ZNF462: variants seen among roughly 807,000 people sequenced by gnomAD.
ZNF462 encodes zinc finger PBX1-interacting protein.
In ZNF462, 10 loss-of-function variants were observed where a neutral mutation model predicts 201.9. That is an observed-to-expected ratio of 0.05 (90% CI 0.03 to 0.08). The LOEUF is 0.08. Ranked by LOEUF, ZNF462 falls within the 10% of genes least tolerant of loss-of-function variation. The pLI, the probability that ZNF462 is intolerant of heterozygous loss-of-function variation, is 1.00. For synonymous variants in ZNF462, 1,227 were observed against 1,193.3 expected, an observed-to-expected ratio of 1.03 and a Z score of -0.58; for missense variants, 2,523 against 3,168.3, an observed-to-expected ratio of 0.80 and a Z score of 4.89.
rs375320642 is a variant in ZNF462, at chr9:106,972,308, C to T, written c.6695+36C>T. Reference sequence around the variant, plus strand: ...TAATGAACAGCTATGGAAAACAAGGCGGCCGCCCCTGCTCCACCCCTCACT... The same window carrying T: ...TAATGAACAGCTATGGAAAACAAGGTGGCCGCCCCTGCTCCACCCCTCACT... On this transcript the variant is annotated intron_variant, in intron 8 of 12. Coordinates refer to ENST00000277225, the MANE Select transcript of ZNF462 (RefSeq NM_021224.6). The surrounding 1 kb of genome is among the most constrained non-coding windows in gnomAD (Gnocchi z 4.8). The T allele has an allele frequency of 1.6e-4, 249 of 1,591,890 alleles. 1 individual carries two copies. In the African/African-American group the frequency reaches 3.0e-3, roughly 19 times the overall value.
rs577655863 is a variant in ZNF462, at chr9:106,943,057, C to CGTGTGTGTGTGTGTGTGT, written c.6427+3951_6427+3952insTGTGTGTGTGTGTGTGTG. On this transcript the variant is annotated intron_variant, in intron 7 of 12. Transcript: ENST00000277225. Reference sequence around the variant, plus strand: ...TGGTAACATAGTTTTGTTTTGCGCGCGCGTGTGTGTGTGTGTGTGTGTGTG... The same window carrying CGTGTGTGTGTGTGTGTGT: ...TGGTAACATAGTTTTGTTTTGCGCGCGTGTGTGTGTGTGTGTGTGCGTGTGTGTGTGTGTGTGTGTGTG... Among the ~76,000 whole-genome samples, 25 of 136,898 alleles carry CGTGTGTGTGTGTGTGTGT rather than the reference C, an allele frequency of 1.8e-4. 1 individual carries two copies. The East Asian group carries it at 1.9e-3, about 10-fold the overall frequency. 89.8% of individuals were successfully genotyped at this position (136,898 alleles called of 152,430 possible).
At chr9:106,976,634 T>C (rs968701042) in intron 9 of ZNF462, 14 of 152,188 alleles carry the variant, frequency 9.2e-5, no homozygotes, top group Non-Finnish European at 1.8e-4. Context: ...AGAGTCCTTA[T>C]CAAGGTCAGA....
In ZNF462 at chr9:106,880,154, G is replaced by A. The variant is rs968445706; in HGVS notation, c.-31+16799G>A. Among the ~76,000 whole-genome samples the A allele has an allele frequency of 6.6e-6, 1 of 151,940 alleles. No individual in the cohort carries two copies. The highest frequency in any genetic ancestry group is 1.5e-5 in the Non-Finnish European group (1 of 67,982). On this transcript the variant is annotated intron_variant, in intron 1 of 12. Coordinates refer to ENST00000277225, the MANE Select transcript of ZNF462 (RefSeq NM_021224.6). The surrounding 1 kb of genome is among the most constrained non-coding windows in gnomAD (Gnocchi z 4.1). ...AGAGCCCTCTCAATTTCTGCCGCCCGCTCAGGAGGATTTTCACAGCCTCTC... is the reference window on the plus strand; with the variant it reads ...AGAGCCCTCTCAATTTCTGCCGCCCACTCAGGAGGATTTTCACAGCCTCTC...
chr9:106,889,185 T>C (rs1828461525), intron 1 of ZNF462, among the ~76,000 whole-genome samples: 1 of 152,178 alleles, frequency 6.6e-6, no homozygotes, highest in African/African-American at 2.4e-5. Context: ...ATGGGGCACC[T>C]AGGTGGAAGT....
chr9:106,877,188 G>C (rs1025457726), intron 1 of ZNF462, among the ~76,000 whole-genome samples: 1 of 151,794 alleles, frequency 6.6e-6, no homozygotes, highest in Non-Finnish European at 1.5e-5. Context: ...GGTGGTGGTG[G>C]TGTGGTGGTG....
Position 106,895,761 on chromosome 9 carries a change from A to C in ZNF462, c.-30-27593A>C, listed in dbSNP as rs2131109596. On this transcript the variant is annotated intron_variant, in intron 1 of 12. Transcript: ENST00000277225. The surrounding 1 kb of genome is among the most constrained non-coding windows in gnomAD (Gnocchi z 4.4). ...GACCTGTGCTGATTGCTAGCTTTCA[A>C]GAACATTCATGGAAACAAAAACTTG... 6.6e-6 allele frequency among the ~76,000 whole-genome samples: 1 copy of C among 152,306 alleles called. No homozygotes were observed. The highest frequency in any genetic ancestry group is 2.1e-4 in the South Asian group (1 of 4,820).
chr9:106,910,631 AG>A (rs1290774675), intron 1 of ZNF462, among the ~76,000 whole-genome samples: 1 of 151,928 alleles, frequency 6.6e-6, no homozygotes, highest in Non-Finnish European at 1.5e-5. Context: ...CTAAGTTTTA[AG>A]TCTTGCTTTT....
chr9:106,888,352 T>C (rs1373732369), intron 1 of ZNF462, among the ~76,000 whole-genome samples: 1 of 152,210 alleles, frequency 6.6e-6, no homozygotes, highest in African/African-American at 2.4e-5. Context: ...AATGTGGATT[T>C]AGATCTACCA....
Position 106,927,980 on chromosome 9 carries a change from C to A in ZNF462, c.4068C>A (p.Ser1356=), listed in dbSNP as rs1344824392. ...ATKLWAGPDP[S]PPSLTMPAEA... The stretch of plus-strand genomic sequence containing the variant: ...AACTGTGGGCTGGGCCAGACCCATC[C>A]CCTCCCTCTCTCACAATGCCAGCCG... Residue 1356 remains serine (S), a synonymous_variant, in exon 3 of 13, where the codon TCC becomes TCA. Coordinates refer to ENST00000277225, the MANE Select transcript of ZNF462 (RefSeq NM_021224.6). 1.2e-6 allele frequency: 2 copies of A among 1,614,098 alleles called. No individual in the cohort carries two copies. The highest frequency in any genetic ancestry group is 4.5e-5 in the East Asian group (2 of 44,872).
At chr9:106,874,560 A>G (rs1827744246) in intron 1 of ZNF462, among the ~76,000 whole-genome samples, 1 of 152,216 alleles carries the variant, frequency 6.6e-6, no homozygotes, top group Non-Finnish European at 1.5e-5. Flanking sequence ...GGCCTGGCAA[A>G]GGAATCATTC....
rs1010526217 is a variant in ZNF462, at chr9:107,010,077, T to G, written c.7313+409T>G. ...GCCCTGAACATTCCCATGTACTGCC[T>G]CGGGGACAGAGCCAGCTTCTGCCTG... On this transcript the variant is annotated intron_variant, in intron 12 of 12. Coordinates refer to ENST00000277225, the MANE Select transcript of ZNF462 (RefSeq NM_021224.6). The surrounding 1 kb of genome is among the most constrained non-coding windows in gnomAD (Gnocchi z 4.6). Among the ~76,000 whole-genome samples, 12 of 152,126 alleles carry G rather than the reference T, an allele frequency of 7.9e-5. No homozygotes were observed. Among genetic ancestry groups the G allele is most frequent in the African/African-American group, 2.9e-4 (12 of 41,434 alleles).
intron 1 of ZNF462, among the ~76,000 whole-genome samples, chr9:106,896,002 A>G (rs1460942562): frequency 2.0e-5 from 3 of 152,154 alleles, no homozygotes; most frequent in Non-Finnish European, 4.4e-5. Flanking sequence ...GCCTTAAATC[A>G]TGTCCTTTTC....
At chr9:106,960,245 C>A (rs769716278) in intron 7 of ZNF462, among the ~76,000 whole-genome samples, 8 of 152,060 alleles carry the variant, frequency 5.3e-5, no homozygotes, top group Non-Finnish European at 7.4e-5. Flanking sequence ...ATTATCGAAT[C>A]TTTTAAGAAA....
rs370014483 is a variant in ZNF462 at position 106,935,629 on chromosome 9, G to T, written c.6235+8G>T. ...TACTCAAAGCTCATGCTGGTGAGTT[G>T]TGCATTGATGATGCACAAGTTCTTT... On this transcript the variant is annotated splice_region_variant and intron_variant, in intron 6 of 12. Coordinates refer to ENST00000277225, the MANE Select transcript of ZNF462 (RefSeq NM_021224.6). This position sits in a 1 kb window ranked among gnomAD's most constrained non-coding sequence, Gnocchi z 4.1. 1.1e-5 allele frequency: 18 copies of T among 1,608,528 alleles called. No individual in the cohort carries two copies. In the African/African-American group the frequency reaches 2.1e-4, roughly 19 times the overall value.
At position 106,926,255 on chromosome 9, in the gene ZNF462, C is replaced by T. The variant is rs36048454; in HGVS notation, c.2343C>T (p.Tyr781=). ...ACTTCAGAAACATCACCCACGATTA[C>T]AATGCCACCAATGGGGCTGAGATTG... ...EPNFRNITHD[Y]NATNGAEIEL... The change falls in exon 3 of 13, where the codon TAC becomes TAT. Residue 781 remains tyrosine, a synonymous_variant. Transcript: ENST00000277225. The surrounding 1 kb of genome is among the most constrained non-coding windows in gnomAD (Gnocchi z 7.9). 1.9e-6 allele frequency: 3 copies of T among 1,614,058 alleles called. No homozygotes were observed. Among genetic ancestry groups the T allele is most frequent in the African/African-American group, 2.7e-5 (2 of 74,914 alleles).
intron 10 of ZNF462, among the ~76,000 whole-genome samples, chr9:106,997,298 A>G (rs80064267): frequency 0.046 from 6,942 of 152,248 alleles, 326 homozygotes; most frequent in East Asian, 0.16. Flanking sequence ...TAGAACTACC[A>G]TATGATACAG....
At chr9:106,871,795 G>A (rs1827603351) in intron 1 of ZNF462, among the ~76,000 whole-genome samples, 1 of 152,184 alleles carries the variant, frequency 6.6e-6, no homozygotes, top group South Asian at 2.1e-4. Flanking sequence ...AGAGAATAGA[G>A]CACAGCAGAA....
intron 7 of ZNF462, among the ~76,000 whole-genome samples, chr9:106,944,695 A>G (rs111607702): frequency 6.6e-6 from 1 of 152,264 alleles, no homozygotes; most frequent in African/African-American, 2.4e-5. Context: ...ATAATTGTGT[A>G]TCTATTTACC....
Position 106,977,375 on chromosome 9 carries a change from A to T in ZNF462, c.6832+3102A>T, listed in dbSNP as rs1314271564. Among the ~76,000 whole-genome samples the T allele has an allele frequency of 6.6e-6, 1 of 151,624 alleles. No individual in the cohort carries two copies. Among genetic ancestry groups the T allele is most frequent in the African/African-American group, 2.4e-5 (1 of 40,868 alleles). On this transcript the variant is annotated intron_variant, in intron 9 of 12. Coordinates refer to ENST00000277225, the MANE Select transcript of ZNF462 (RefSeq NM_021224.6). The surrounding 1 kb of genome is among the most constrained non-coding windows in gnomAD (Gnocchi z 4.6). ...TAAAGTATGTGGGATGAAAAGCAAG[A>T]AAACCAACTTCTGAACTGGCCCAGA... is the stretch of plus-strand genomic sequence containing the variant.
Sources: allele counts gnomAD v4.1 joint callset (sites outside exome capture counted in the v4.1 genomes callset), GRCh38; gene constraint gnomAD v4.1.1; non-coding constraint Gnocchi (gnomAD v3.1); transcripts MANE v1.5; gene names NCBI Gene and HGNC (gene_info 2026-07-23, HGNC 2026-07-21).